Variants in ARHGAP20 observed in about 807,000 individuals in gnomAD.
The protein encoded by ARHGAP20 is Rho GTPase activating protein 20.
A neutral mutation model predicts 73.7 loss-of-function variants in ARHGAP20; 34 were observed. That is an observed-to-expected ratio of 0.46 (90% CI 0.35 to 0.61). The LOEUF (loss-of-function observed/expected upper bound fraction) is 0.61. Ranked by LOEUF, ARHGAP20 falls within the 20% of genes least tolerant of loss-of-function variation. The probability of loss-of-function intolerance (pLI) is 0.00; values close to 1 mark genes in which losing one functional copy is unlikely to be tolerated. For missense variants in ARHGAP20, 1,314 were observed against 1,420.9 expected, an observed-to-expected ratio of 0.92 and a Z score of 1.21; for synonymous variants, 523 against 518.2, an observed-to-expected ratio of 1.01 and a Z score of -0.13.
Position 110,690,451 on chromosome 11 carries a change from C to G in ARHGAP20, c.188+96G>C, listed in dbSNP as rs778508503. On this transcript the variant is annotated intron_variant, in intron 2 of 14. Coordinates refer to ENST00000683387, the MANE Select transcript of ARHGAP20 (RefSeq NM_001384657.1). The stretch of plus-strand genomic sequence containing the variant: ...AATTCTGGTGCTGATAACAAACAAC[C>G]TCTACACATTAAAGAATATGTGATC... The G allele has an allele frequency of 3.0e-4, 367 of 1,229,112 alleles. 1 individual carries two copies. Among genetic ancestry groups the G allele is most frequent in the Non-Finnish European group, 4.1e-4 (349 of 844,088 alleles). The allele number at this position is 1,229,112 out of a possible 1,614,324, so 76.1% of individuals were successfully genotyped here. A position where few individuals can be genotyped will look rare whatever the true frequency, so the allele number is the denominator to read the frequency against.
chr11:110,701,513 T>G (rs1287011122), intron 1 of ARHGAP20, among the ~76,000 whole-genome samples: 14 of 150,486 alleles, frequency 9.3e-5, no homozygotes, highest in Admixed American at 2.0e-4. Context: ...TTGCGAAAAT[T>G]TTCTCCCATT....
At chr11:110,639,194 A>C (rs1949029360) in intron 2 of ARHGAP20, among the ~76,000 whole-genome samples, 1 of 151,674 alleles carries the variant, frequency 6.6e-6, no homozygotes, top group South Asian at 2.1e-4. Flanking sequence ...CTCAGTTTCT[A>C]GTAGAGGTTG....
intron 2 of ARHGAP20, among the ~76,000 whole-genome samples, chr11:110,685,685 T>G (rs1950119445): frequency 1.3e-5 from 2 of 152,168 alleles, no homozygotes; most frequent in African/African-American, 2.4e-5. Flanking sequence ...TGAAATCTCC[T>G]GCAGATTTAG....
intron 2 of ARHGAP20, among the ~76,000 whole-genome samples, chr11:110,671,099 G>C (rs568039437): frequency 1.3e-5 from 2 of 151,968 alleles, no homozygotes; most frequent in African/African-American, 2.4e-5. Flanking sequence ...TAAAAATATA[G>C]TACACTGGTT....
At chr11:110,666,196 G>C (rs1449532946) in intron 2 of ARHGAP20, among the ~76,000 whole-genome samples, 2 of 152,114 alleles carry the variant, frequency 1.3e-5, no homozygotes, top group Non-Finnish European at 2.9e-5. Flanking sequence ...ATACAATACT[G>C]AGAGAAATAA....
chr11:110,636,066 G>C (rs1433273868), intron 2 of ARHGAP20, among the ~76,000 whole-genome samples: 3 of 152,056 alleles, frequency 2.0e-5, no homozygotes, highest in African/African-American at 7.2e-5. Flanking sequence ...ACAAATAACT[G>C]CTTCTTGATT....
chr11:110,659,095 A>C (rs1439155421), intron 2 of ARHGAP20, among the ~76,000 whole-genome samples: 1 of 150,274 alleles, frequency 6.7e-6, no homozygotes, highest in African/African-American at 2.5e-5. Context: ...TGGCTGGGTC[A>C]AATGGTATTT....
intron 1 of ARHGAP20, 48 bp downstream of exon 1, chr11:110,712,079 T>C (rs758282230): frequency 1.6e-6 from 2 of 1,256,204 alleles, no homozygotes; most frequent in Non-Finnish European, 2.0e-6. Flanking sequence ...GCGCCGGCAG[T>C]GGGGGCTGCG....
chr11:110,681,672 A>G (rs1353036338), intron 2 of ARHGAP20, among the ~76,000 whole-genome samples: 1 of 152,186 alleles, frequency 6.6e-6, no homozygotes, highest in African/African-American at 2.4e-5. Flanking sequence ...GAAGTGGAAT[A>G]ATGAGGAATT....
intron 1 of ARHGAP20, chr11:110,711,794 C>T (rs1044956590): frequency 1.5e-6 from 2 of 1,348,310 alleles, no homozygotes; most frequent in Admixed American, 3.8e-5. Context: ...CGGGGAAAGG[C>T]GATCGCCCAC....
intron 4 of ARHGAP20, among the ~76,000 whole-genome samples, chr11:110,623,170 A>G (rs1948665204): frequency 6.6e-6 from 1 of 152,208 alleles, no homozygotes; most frequent in Non-Finnish European, 1.5e-5. Flanking sequence ...GCATAATAGC[A>G]TTTAATGACA....
chr11:110,696,157 T>C (rs1950331735), intron 1 of ARHGAP20, among the ~76,000 whole-genome samples: 1 of 151,542 alleles, frequency 6.6e-6, no homozygotes, highest in Non-Finnish European at 1.5e-5. Context: ...GCCTAGAGTT[T>C]GGGGAGACAG....
chr11:110,649,804 T>G (rs1281636273), intron 2 of ARHGAP20, among the ~76,000 whole-genome samples: 1 of 152,176 alleles, frequency 6.6e-6, no homozygotes, highest in Non-Finnish European at 1.5e-5. Flanking sequence ...AGGCATAAAA[T>G]TTTGGACAGA....
At chr11:110,706,604 C>T (rs1950556304) in intron 1 of ARHGAP20, among the ~76,000 whole-genome samples, 1 of 152,174 alleles carries the variant, frequency 6.6e-6, no homozygotes, top group South Asian at 2.1e-4. Context: ...CCTACTCTCA[C>T]ATGGCAAGAT....
At position 110,577,768 on chromosome 11, in the gene ARHGAP20, G is replaced by A. The variant is rs1466536262; in HGVS notation, c.*1602C>T. 1 of 985,812 alleles carries A rather than the reference G, an allele frequency of 1.0e-6. No homozygotes were observed. Among genetic ancestry groups the A allele is most frequent in the Non-Finnish European group, 1.2e-6 (1 of 829,932 alleles). 61.1% of individuals were successfully genotyped at this position (985,812 alleles called of 1,614,324 possible). On this transcript the variant is annotated 3_prime_UTR_variant, in exon 15 of 15. Coordinates refer to ENST00000683387, the MANE Select transcript of ARHGAP20 (RefSeq NM_001384657.1). ...CATTGTAATGGTTAGCGCAAACAGG[G>A]CCATGTCCCCAAGAGGTAGGTAGCA... is the stretch of plus-strand genomic sequence containing the variant.
rs138788132 is a variant in ARHGAP20 at position 110,580,581 on chromosome 11, G to A, written c.2365C>T (p.His789Tyr). ...TTAGACTTAGGGAAAAGTTTCACGT[G>A]ATTTCCTTCACTACCAGACAAGCTT... ...KKSLSGSEGN[H>Y]VKLFPKSKPV... is the part of the protein sequence containing the mutation. Residue 789 changes from histidine to tyrosine, a missense_variant, in exon 15 of 15, where the codon CAC becomes TAC. Transcript: ENST00000683387. 3.4e-5 allele frequency: 55 copies of A among 1,614,236 alleles called. 1 individual carries two copies. In the African/African-American group the frequency reaches 6.8e-4, roughly 20 times the overall value.
intron 4 of ARHGAP20, among the ~76,000 whole-genome samples, chr11:110,619,726 G>C (rs914651467): frequency 2.6e-5 from 4 of 152,052 alleles, no homozygotes; most frequent in African/African-American, 9.6e-5. Flanking sequence ...AGTATATGTA[G>C]TGATAGAGTA....
At chr11:110,609,183 T>G in intron 7 of ARHGAP20, 133 bp from the exon 8 acceptor site, 1 of 714,048 alleles carries the variant, frequency 1.4e-6, no homozygotes. Flanking sequence ...ATCCATGAAC[T>G]GCAGTGGAAT....
At chr11:110,709,644 A>G (rs1950610875) in intron 1 of ARHGAP20, among the ~76,000 whole-genome samples, 1 of 152,194 alleles carries the variant, frequency 6.6e-6, no homozygotes, top group Non-Finnish European at 1.5e-5. Flanking sequence ...AAACACCATC[A>G]AGGCCTCAAA....
Sources: allele counts gnomAD v4.1 joint callset (sites outside exome capture counted in the v4.1 genomes callset), GRCh38; gene constraint gnomAD v4.1.1; transcripts MANE v1.5; gene names NCBI Gene and HGNC (gene_info 2026-07-23, HGNC 2026-07-21).